The following LRRC1 variants were observed in gnomAD, a reference collection of about 807,000 sequenced individuals.
LRRC1 encodes leucine-rich repeat-containing protein 1.
A neutral mutation model predicts 69.9 loss-of-function variants in LRRC1; 28 were observed. That is an observed-to-expected ratio of 0.40 (90% CI 0.30 to 0.55). The LOEUF (loss-of-function observed/expected upper bound fraction) is 0.55. LRRC1 is among the 20% of genes least tolerant of loss of function. The probability of loss-of-function intolerance (pLI) is 0.47; values close to 1 mark genes in which losing one functional copy is unlikely to be tolerated. For missense variants in LRRC1, 498 were observed against 609.0 expected (o/e 0.82, Z 1.92); for synonymous variants, 236 against 240.2 (o/e 0.98, Z 0.16).
At chr6:53,827,047 T>G (rs1765287321) in intron 1 of LRRC1, among the ~76,000 whole-genome samples, 1 of 152,204 alleles carries the variant, frequency 6.6e-6, no homozygotes, top group Admixed American at 6.5e-5. Context: ...AAGAATTAAC[T>G]GGGAACATTT....
chr6:53,878,394 G>C (rs1767145116), intron 2 of LRRC1, among the ~76,000 whole-genome samples: 1 of 152,140 alleles, frequency 6.6e-6, no homozygotes. Context: ...TCACCATAAG[G>C]TAGATTCAAT....
At chr6:53,865,040 G>T (rs1328565900) in intron 2 of LRRC1, among the ~76,000 whole-genome samples, 1 of 152,104 alleles carries the variant, frequency 6.6e-6, no homozygotes, top group Non-Finnish European at 1.5e-5. Flanking sequence ...GAGCACAGGC[G>T]CCAGCTCAGC....
At position 53,923,904 on chromosome 6, in the gene LRRC1, A is replaced by G. The variant is rs1475155479; in HGVS notation, c.*1111A>G. The stretch of plus-strand genomic sequence containing the variant: ...TTTATAAGTGCAATTTAATTTGTAA[A>G]TAGAGTTTGAATCAAAGTATCACAA... On this transcript the variant is annotated 3_prime_UTR_variant, in exon 14 of 14. Coordinates refer to ENST00000370888, the MANE Select transcript of LRRC1 (RefSeq NM_018214.5). 6.5e-6 allele frequency: 1 copy of G among 152,694 alleles called. No homozygotes were observed. The highest frequency in any genetic ancestry group is 1.5e-5 in the Non-Finnish European group (1 of 68,052). 9.5% of individuals were successfully genotyped at this position (152,694 alleles called of 1,614,324 possible). A position where few individuals can be genotyped will look rare whatever the true frequency, so the allele number is the denominator to read the frequency against.
chr6:53,810,236 G>A (rs926002564), intron 1 of LRRC1, among the ~76,000 whole-genome samples: 1 of 152,166 alleles, frequency 6.6e-6, no homozygotes, highest in Non-Finnish European at 1.5e-5. Flanking sequence ...TATGTCTCTC[G>A]TTTAACCCTA....
At position 53,842,301 on chromosome 6, in the gene LRRC1, G is replaced by A. The variant is rs566371137; in HGVS notation, c.277+74G>A. 1.1e-5 allele frequency: 10 copies of A among 916,786 alleles called. No homozygotes were observed. In the South Asian group the frequency reaches 1.3e-4, roughly 12 times the overall value. The allele number at this position is 916,786 out of a possible 1,614,324, so 56.8% of individuals were successfully genotyped here. On this transcript the variant is annotated intron_variant, in intron 2 of 13. Transcript: ENST00000370888. ...GGGTGTTTTTAGTAAATATAGCTAC[G>A]AGTGAGAACATGCGGTGTTTGGTTT...
chr6:53,854,935 A>G (rs1283495695), intron 2 of LRRC1, among the ~76,000 whole-genome samples: 1 of 152,234 alleles, frequency 6.6e-6, no homozygotes, highest in East Asian at 1.9e-4. Context: ...TATAACATGA[A>G]CATCAACAGG....
intron 2 of LRRC1, among the ~76,000 whole-genome samples, chr6:53,856,301 G>T (rs1766306525): frequency 6.6e-6 from 1 of 152,194 alleles, no homozygotes; most frequent in African/African-American, 2.4e-5. Context: ...AGATAAATCA[G>T]TTTAGCAGTG....
intron 10 of LRRC1, among the ~76,000 whole-genome samples, chr6:53,907,455 A>G (rs1189046654): frequency 6.6e-6 from 1 of 152,224 alleles, no homozygotes; most frequent in African/African-American, 2.4e-5. Context: ...GTTGAGGGGA[A>G]GATGTTTGTA....
At chr6:53,803,486 G>A (rs1764550233) in intron 1 of LRRC1, among the ~76,000 whole-genome samples, 2 of 152,162 alleles carry the variant, frequency 1.3e-5, no homozygotes, top group Admixed American at 6.5e-5. Flanking sequence ...ACTTCTGGAT[G>A]TCCATTAACT....
intron 2 of LRRC1, among the ~76,000 whole-genome samples, chr6:53,849,179 A>G (rs1218415716): frequency 6.6e-6 from 1 of 151,224 alleles, no homozygotes; most frequent in Non-Finnish European, 1.5e-5. Flanking sequence ...AGGTTCTCTC[A>G]ATGTTTTGTC....
intron 10 of LRRC1, among the ~76,000 whole-genome samples, chr6:53,911,794 G>T (rs555569387): frequency 2.0e-4 from 31 of 152,180 alleles, no homozygotes; most frequent in Non-Finnish European, 4.4e-4. Flanking sequence ...ATTTATCAGA[G>T]ACTCTAATAA....
rs753127895 is a variant in LRRC1 at position 53,922,790 on chromosome 6, G to A, written c.1572G>A (p.Val524=). ...NHAIDRVTTS[V] is the part of the protein sequence containing the mutation. The stretch of plus-strand genomic sequence containing the variant: ...CCATTGACCGAGTGACCACTTCTGT[G>A]TAGAGTTTCACCTCCAAGTTTTACC... Residue 524 remains valine, a synonymous_variant, in exon 14 of 14, where the codon GTG becomes GTA. Coordinates refer to ENST00000370888, the MANE Select transcript of LRRC1 (RefSeq NM_018214.5). 3 of 1,612,702 alleles carry A rather than the reference G, an allele frequency of 1.9e-6. No individual in the cohort carries two copies. The Admixed American group carries it at 5.0e-5, about 27-fold the overall frequency.
At chr6:53,803,576 G>GTGTGTGTGTGTA (rs1491401518) in intron 1 of LRRC1, among the ~76,000 whole-genome samples, 1 of 146,896 alleles carries the variant, frequency 6.8e-6, no homozygotes, top group African/African-American at 2.5e-5. Flanking sequence ...ATCTAATAGA[G>GTGTGTGTGTGTA]TGTGTGTGTG....
intron 1 of LRRC1, among the ~76,000 whole-genome samples, chr6:53,831,603 A>G (rs937825845): frequency 6.6e-5 from 10 of 152,190 alleles, no homozygotes; most frequent in Admixed American, 5.9e-4. Flanking sequence ...ATAATGGTTT[A>G]AAACAGTTAG....
intron 12 of LRRC1, 129 bp downstream of exon 12, chr6:53,919,799 T>A: frequency 1.3e-6 from 1 of 759,204 alleles, no homozygotes; most frequent in Non-Finnish European, 2.0e-6. Context: ...CCAGCTCAGG[T>A]GAGGCCACTG....
rs565204944 is a variant in LRRC1 at position 53,919,726 on chromosome 6, T to A, written c.1279+56T>A. On this transcript the variant is annotated intron_variant, in intron 12 of 13. Coordinates refer to ENST00000370888, the MANE Select transcript of LRRC1 (RefSeq NM_018214.5). ...GGCCACGAGATTGAGTAGGACCTAATGTCTGTCCATAAGGCCTCTTACTCC... is the reference window on the plus strand; with the variant it reads ...GGCCACGAGATTGAGTAGGACCTAAAGTCTGTCCATAAGGCCTCTTACTCC... 6.7e-6 allele frequency: 10 copies of A among 1,502,426 alleles called. No individual in the cohort carries two copies. The East Asian group carries it at 1.8e-4, about 28-fold the overall frequency. 93.1% of individuals were successfully genotyped at this position (1,502,426 alleles called of 1,614,324 possible). A position where few individuals can be genotyped will look rare whatever the true frequency, so the allele number is the denominator to read the frequency against.
chr6:53,843,633 T>A (rs1456320259), intron 2 of LRRC1, among the ~76,000 whole-genome samples: 1 of 152,146 alleles, frequency 6.6e-6, no homozygotes, highest in African/African-American at 2.4e-5. Flanking sequence ...GGAACCCAGA[T>A]CTACTTAGAT....
At chr6:53,871,676 T>C (rs913694909) in intron 2 of LRRC1, among the ~76,000 whole-genome samples, 3 of 152,180 alleles carry the variant, frequency 2.0e-5, no homozygotes, top group Non-Finnish European at 4.4e-5. Context: ...TTGTTTTGTT[T>C]CGTTTTTTGA....
Position 53,913,952 on chromosome 6 carries a change from G to A in LRRC1, c.1089G>A (p.Leu363=), listed in dbSNP as rs763759136. The change falls in exon 11 of 14, where the codon CTG becomes CTA. Residue 363 remains leucine (L), a synonymous_variant. Transcript: ENST00000370888. ...CACAGGCAACAGAACTTCATGTCCT[G>A]GATGTGGCAGGGAACAGGTAAGCCT... ...EVSQATELHV[L]DVAGNRLLHL... The A allele has an allele frequency of 1.9e-6, 3 of 1,610,806 alleles. No individual in the cohort carries two copies. Among genetic ancestry groups the A allele is most frequent in the African/African-American group, 2.7e-5 (2 of 74,878 alleles).
Sources: gnomAD v4.1 joint callset for allele counts (sites outside exome capture counted in the v4.1 genomes callset) on GRCh38, gnomAD v4.1.1 for gene constraint, MANE v1.5 for transcripts, NCBI Gene and HGNC (gene_info 2026-07-23, HGNC 2026-07-21) for gene names.